XXYLT1: variants seen among roughly 807,000 people sequenced by gnomAD.
The protein encoded by XXYLT1 is UDP-xylose:alpha-xyloside alpha-1,3-xylosyltransferase.
A neutral mutation model predicts 28.9 loss-of-function variants in XXYLT1; 20 were observed. The ratio of observed to expected loss-of-function variants is 0.69; its 90% CI spans 0.49 to 1.00. XXYLT1 has a LOEUF of 1.00. Among genes scored for constraint, XXYLT1 ranks in the 50% least tolerant of loss-of-function variants. The pLI is 0.00. For missense variants in XXYLT1, 542 were observed against 560.1 expected (o/e 0.97, Z 0.33); for synonymous variants, 257 against 253.8 (o/e 1.01, Z -0.12).
intron 3 of XXYLT1, among the ~76,000 whole-genome samples, chr3:195,111,712 G>C (rs1448710364): frequency 6.6e-6 from 1 of 152,152 alleles, no homozygotes; most frequent in Non-Finnish European, 1.5e-5. Flanking sequence ...TTTTCTCACA[G>C]AATTCCACTG....
At chr3:195,250,564 CAA>C (rs112929194) in intron 1 of XXYLT1, among the ~76,000 whole-genome samples, 10 of 107,310 alleles carry the variant, frequency 9.3e-5, no homozygotes, top group African/African-American at 1.4e-4. Context: ...AACTCCATCT[CAA>C]AAAAAAAAAA....
At chr3:195,270,304 A>T in intron 1 of XXYLT1, 2 of 881,718 alleles carry the variant, frequency 2.3e-6, no homozygotes, top group Non-Finnish European at 3.2e-6. Context: ...GGCTGCGCTT[A>T]ACTGGGGGAG....
chr3:195,096,679 G>A (rs1177441587), intron 3 of XXYLT1, among the ~76,000 whole-genome samples: 9 of 152,104 alleles, frequency 5.9e-5, no homozygotes, highest in African/African-American at 2.2e-4. Context: ...CAGTGCCCTG[G>A]TAATATTTAC....
rs549888875 is a variant in XXYLT1 at position 195,077,850 on chromosome 3, G to C, written c.786-7739C>G. Among the ~76,000 whole-genome samples the C allele has an allele frequency of 3.3e-5, 5 of 152,218 alleles. No homozygotes were observed. The highest frequency in any genetic ancestry group is 1.2e-4 in the African/African-American group (5 of 41,544). On this transcript the variant is annotated intron_variant, in intron 3 of 3. Transcript: ENST00000310380. The surrounding 1 kb of genome is among the most constrained non-coding windows in gnomAD (Gnocchi z 4.8). ...AGGATGTGCCATGCCCTTCTCGAAG[G>C]CTTCTCCTGGCCCTCCGCTCCCCGT...
At chr3:195,071,050 C>T (rs182527724) in intron 3 of XXYLT1, among the ~76,000 whole-genome samples, 92 of 152,312 alleles carry the variant, frequency 6.0e-4, no homozygotes, top group African/African-American at 2.2e-3. Context: ...TGTCCTCCAG[C>T]CTCTTTAATA....
intron 3 of XXYLT1, chr3:195,152,316 G>A (rs1212459221): frequency 6.6e-6 from 1 of 152,636 alleles, no homozygotes; most frequent in Non-Finnish European, 1.5e-5. Context: ...CTGTCCAGGG[G>A]TTTAGCTCCT....
intron 2 of XXYLT1, among the ~76,000 whole-genome samples, chr3:195,205,886 A>G (rs1723050268): frequency 6.6e-6 from 1 of 152,024 alleles, no homozygotes; most frequent in East Asian, 1.9e-4. Flanking sequence ...AACAACAACA[A>G]AAACAATATC....
intron 3 of XXYLT1, among the ~76,000 whole-genome samples, chr3:195,143,126 T>C (rs1719578552): frequency 6.6e-6 from 1 of 152,212 alleles, no homozygotes; most frequent in Non-Finnish European, 1.5e-5. Flanking sequence ...TAGAGAAACA[T>C]TTGATGGAAT....
In XXYLT1 at chr3:195,150,917, A is replaced by C. The variant is rs1720201396; in HGVS notation, c.785+5532T>G. ...TCTCTCTCTCCATCACTCCAGGGTC[A>C]GCAGGAGCCCTGAAGCCTGAAGCCA... On this transcript the variant is annotated intron_variant, in intron 3 of 3. Transcript: ENST00000310380. The surrounding 1 kb of genome is among the most constrained non-coding windows in gnomAD (Gnocchi z 4.7). 2.0e-5 allele frequency among the ~76,000 whole-genome samples: 3 copies of C among 150,786 alleles called. No individual in the cohort carries two copies. Among genetic ancestry groups the C allele is most frequent in the Admixed American group, 6.6e-5 (1 of 15,228 alleles).
intron 2 of XXYLT1, among the ~76,000 whole-genome samples, chr3:195,225,017 C>T (rs1160862348): frequency 2.0e-5 from 3 of 152,202 alleles, no homozygotes; most frequent in African/African-American, 4.8e-5. Flanking sequence ...ATGTATGGGG[C>T]ACCTGATGGG....
At chr3:195,159,601 A>G (rs1267474513) in intron 2 of XXYLT1, among the ~76,000 whole-genome samples, 1 of 152,210 alleles carries the variant, frequency 6.6e-6, no homozygotes, top group Non-Finnish European at 1.5e-5. Flanking sequence ...AGTGAGTACA[A>G]GCTAAAGGTG....
chr3:195,131,453 A>G (rs1207903350), intron 3 of XXYLT1, among the ~76,000 whole-genome samples: 1 of 152,260 alleles, frequency 6.6e-6, no homozygotes, highest in Non-Finnish European at 1.5e-5. Context: ...TAGCACAGCT[A>G]TTTCTGCAAC....
At chr3:195,122,147 C>T (rs12633541) in intron 3 of XXYLT1, 31,082 of 702,956 alleles carry the variant, frequency 0.044, 986 homozygotes, top group Middle Eastern at 0.13. Context: ...GAAGGGGTGA[C>T]AGAGCTCTTC....
intron 1 of XXYLT1, among the ~76,000 whole-genome samples, chr3:195,229,416 GA>G (rs1724207094): frequency 6.6e-5 from 10 of 152,038 alleles, no homozygotes; most frequent in Admixed American, 6.5e-4. Flanking sequence ...TTAGTTATTT[GA>G]AAATGTGTAA....
At chr3:195,262,158 T>TA (rs1725717477) in intron 1 of XXYLT1, among the ~76,000 whole-genome samples, 1 of 152,088 alleles carries the variant, frequency 6.6e-6, no homozygotes, top group Admixed American at 6.5e-5. Context: ...TATCCAACCA[T>TA]AAAAAAGGGT....
At chr3:195,132,674 C>G (rs545951431) in intron 3 of XXYLT1, among the ~76,000 whole-genome samples, 4 of 152,322 alleles carry the variant, frequency 2.6e-5, no homozygotes, top group African/African-American at 9.6e-5. Flanking sequence ...TACACCTAAT[C>G]AGAGCTGAAG....
Position 195,256,535 on chromosome 3 carries a change from G to A in XXYLT1, c.504+14020C>T. 1 of 985,408 alleles carries A rather than the reference G, an allele frequency of 1.0e-6. No individual in the cohort carries two copies. Among genetic ancestry groups the A allele is most frequent in the Non-Finnish European group, 1.2e-6 (1 of 829,930 alleles). 61.0% of individuals were successfully genotyped at this position (985,408 alleles called of 1,614,324 possible). ...GTCATTCCAGGGATTATCCCAGAAA[G>A]AGGGGAAGAGCAGCCTCCTCACACC... On this transcript the variant is annotated intron_variant, in intron 1 of 3. Transcript: ENST00000310380. This position sits in a 1 kb window ranked among gnomAD's most constrained non-coding sequence, Gnocchi z 4.2.
intron 3 of XXYLT1, among the ~76,000 whole-genome samples, chr3:195,089,209 C>G (rs1243727074): frequency 6.6e-6 from 1 of 151,772 alleles, no homozygotes. Context: ...AGAGCAACTC[C>G]AAGACACATA....
chr3:195,139,822 T>C (rs1054717352), intron 3 of XXYLT1, among the ~76,000 whole-genome samples: 25 of 152,064 alleles, frequency 1.6e-4, no homozygotes, highest in African/African-American at 6.0e-4. Context: ...CTCACAGAGT[T>C]GGGGTGGGCT....
Sources: gnomAD v4.1 joint callset for allele counts (sites outside exome capture counted in the v4.1 genomes callset) on GRCh38, gnomAD v4.1.1 for gene constraint, Gnocchi (gnomAD v3.1) non-coding constraint, MANE v1.5 for transcripts, NCBI Gene and HGNC (gene_info 2026-07-23, HGNC 2026-07-21) for gene names.